The following DCPS variants were observed in gnomAD, a reference collection of about 807,000 sequenced individuals.
DCPS encodes the protein m7GpppX diphosphatase.
A neutral mutation model predicts 34.7 loss-of-function variants in DCPS; 27 were observed. The observed-to-expected ratio is 0.78, with a 90% CI of 0.57 to 1.07. The LOEUF is 1.07. Among genes scored for constraint, DCPS ranks in the 50% least tolerant of loss-of-function variants. The pLI, the probability that DCPS is intolerant of heterozygous loss-of-function variation, is 0.00. For synonymous variants in DCPS, 185 were observed against 185.7 expected (o/e 1.00, Z 0.03); for missense variants, 464 against 436.9 (o/e 1.06, Z -0.55).
At chr11:126,308,853 C>T (rs181150520) in intron 2 of DCPS, among the ~76,000 whole-genome samples, 16 of 152,146 alleles carry the variant, frequency 1.1e-4, no homozygotes, top group African/African-American at 3.4e-4. Context: ...GAGGTAGTCC[C>T]TGCTCGCCCT....
rs1045350602 is a variant in DCPS, at chr11:126,320,176, G to A, written c.377-11229G>A. Among the ~76,000 whole-genome samples, 8 of 151,922 alleles carry A rather than the reference G, an allele frequency of 5.3e-5. No homozygotes were observed. Among genetic ancestry groups the A allele is most frequent in the African/African-American group, 1.9e-4 (8 of 41,342 alleles). On this transcript the variant is annotated intron_variant, in intron 2 of 5. Transcript: ENST00000263579. The surrounding 1 kb of genome is among the most constrained non-coding windows in gnomAD (Gnocchi z 4.7). ...TGCTGGGATTACAGGCATGAGCTAC[G>A]GTGCCTGGCCGTAATATATTCTGTT... is the stretch of plus-strand genomic sequence containing the variant.
chr11:126,307,026 T>G (rs1371939739), intron 2 of DCPS, among the ~76,000 whole-genome samples: 1 of 152,006 alleles, frequency 6.6e-6, no homozygotes, highest in African/African-American at 2.4e-5. Context: ...GTAATGTCAA[T>G]AGTGCTGAAA....
chr11:126,334,523 T>C lies in DCPS; in HGVS notation c.522+2973T>C, dbSNP rs1205001193. Reference sequence around the variant, plus strand: ...TATGCTGGGCTAATTTTTGTATTTTTAGTAGAGACGGAGTTTCACCATGTT... The same window carrying C: ...TATGCTGGGCTAATTTTTGTATTTTCAGTAGAGACGGAGTTTCACCATGTT... On this transcript the variant is annotated intron_variant, in intron 3 of 5. Coordinates refer to ENST00000263579, the MANE Select transcript of DCPS (RefSeq NM_014026.6). This position sits in a 1 kb window ranked among gnomAD's most constrained non-coding sequence, Gnocchi z 5.5. Among the ~76,000 whole-genome samples the C allele has an allele frequency of 6.6e-6, 1 of 152,082 alleles. No homozygotes were observed. Among genetic ancestry groups the C allele is most frequent in the African/African-American group, 2.4e-5 (1 of 41,406 alleles).
chr11:126,317,606 A>G (rs1951672158), intron 2 of DCPS, among the ~76,000 whole-genome samples: 2 of 152,234 alleles, frequency 1.3e-5, no homozygotes, highest in Admixed American at 6.5e-5. Context: ...AGTGCAGCAC[A>G]GTGTGGCATG....
At chr11:126,310,959 A>C (rs1180705218) in intron 2 of DCPS, among the ~76,000 whole-genome samples, 4 of 152,232 alleles carry the variant, frequency 2.6e-5, no homozygotes, top group Non-Finnish European at 4.4e-5. Flanking sequence ...AGCTGGCCAC[A>C]GTAGAAATCA....
rs779477657 is a variant in DCPS at position 126,348,838 on chromosome 11, C to A, written c.*3225C>A. 4.6e-5 allele frequency among the ~76,000 whole-genome samples: 7 copies of A among 152,238 alleles called. No individual in the cohort carries two copies. Among genetic ancestry groups the A allele is most frequent in the Non-Finnish European group, 7.3e-5 (5 of 68,046 alleles). ...TTTGAGACAAAGCAACATTATAACA[C>A]TACATTCATATAGCAGATCATTTCA... On this transcript the variant is annotated 3_prime_UTR_variant, in exon 6 of 6. Coordinates refer to ENST00000263579, the MANE Select transcript of DCPS (RefSeq NM_014026.6). The surrounding 1 kb of genome is among the most constrained non-coding windows in gnomAD (Gnocchi z 5.3).
At chr11:126,314,417 G>C (rs183704856) in intron 2 of DCPS, among the ~76,000 whole-genome samples, 1 of 151,316 alleles carries the variant, frequency 6.6e-6, no homozygotes, top group African/African-American at 2.5e-5. Context: ...CAACCATTAC[G>C]GGAAACAGTG....
In DCPS at chr11:126,347,534, G is replaced by A. The variant is rs1293877334; in HGVS notation, c.*1921G>A. Among the ~76,000 whole-genome samples the A allele has an allele frequency of 3.3e-5, 5 of 152,142 alleles. No homozygotes were observed. Among genetic ancestry groups the A allele is most frequent in the East Asian group, 1.9e-4 (1 of 5,166 alleles). On this transcript the variant is annotated 3_prime_UTR_variant, in exon 6 of 6. Transcript: ENST00000263579. This position sits in a 1 kb window ranked among gnomAD's most constrained non-coding sequence, Gnocchi z 4.2. ...CCACCGCGCCCAGCCCCTGCAATAC[G>A]TCAACAGTCCCTAGATTCAGGCAAC...
rs555799053 is a variant in DCPS at position 126,344,206 on chromosome 11, G to C, written c.747+789G>C. 1.8e-4 allele frequency among the ~76,000 whole-genome samples: 28 copies of C among 152,258 alleles called. No homozygotes were observed. Among genetic ancestry groups the C allele is most frequent in the African/African-American group, 6.3e-4 (26 of 41,558 alleles). On this transcript the variant is annotated intron_variant, in intron 5 of 5. Coordinates refer to ENST00000263579, the MANE Select transcript of DCPS (RefSeq NM_014026.6). The surrounding 1 kb of genome is among the most constrained non-coding windows in gnomAD (Gnocchi z 8.1). ...GCCCCTTTTTGACCAGTGATGCTTC[G>C]AGGTGTTAATGCAGACCTGGAGGCA...
At position 126,331,203 on chromosome 11, in the gene DCPS, C is replaced by G. The variant is rs926140171; in HGVS notation, c.377-202C>G. On this transcript the variant is annotated intron_variant, in intron 2 of 5. Coordinates refer to ENST00000263579, the MANE Select transcript of DCPS (RefSeq NM_014026.6). This position sits in a 1 kb window ranked among gnomAD's most constrained non-coding sequence, Gnocchi z 7.2. The stretch of plus-strand genomic sequence containing the variant: ...CCCACAGGTAAGAACCTTGTGTTTT[C>G]CAGATTCTGAGTGTGGCTCAGCTCG... Among the ~76,000 whole-genome samples the G allele has an allele frequency of 4.4e-4, 67 of 152,090 alleles. No homozygotes were observed. Among genetic ancestry groups the G allele is most frequent in the African/African-American group, 1.6e-3 (65 of 41,396 alleles).
In DCPS at chr11:126,311,503, A is replaced by G. The variant is rs1166583181; in HGVS notation, c.376+4759A>G. Among the ~76,000 whole-genome samples the G allele has an allele frequency of 3.3e-5, 5 of 152,236 alleles. No individual in the cohort carries two copies. In the East Asian group the frequency reaches 5.8e-4, roughly 18 times the overall value. On this transcript the variant is annotated intron_variant, in intron 2 of 5. Transcript: ENST00000263579. ...GGAAGCAGATGTCTGAGTGGCCATG[A>G]GCAGGAGAGAGCCTACTCAGACCAG...
At chr11:126,341,856 C>T (rs1951878252) in intron 4 of DCPS, 1 of 152,270 alleles carries the variant, frequency 6.6e-6, no homozygotes, top group African/African-American at 2.4e-5. Context: ...GTGGAGCTTC[C>T]TGTGGGCTCA....
chr11:126,321,477 A>G (rs1951706256), intron 2 of DCPS, among the ~76,000 whole-genome samples: 1 of 152,124 alleles, frequency 6.6e-6, no homozygotes, highest in African/African-American at 2.4e-5. Flanking sequence ...CATATGTGCA[A>G]TTGGAAGTCA....
Position 126,338,439 on chromosome 11 carries a change from C to A in DCPS, c.636+40C>A, listed in dbSNP as rs1951851934. 6.3e-7 allele frequency: 1 copy of A among 1,575,100 alleles called. No homozygotes were observed. Among genetic ancestry groups the A allele is most frequent in the Non-Finnish European group, 8.7e-7 (1 of 1,144,732 alleles). On this transcript the variant is annotated intron_variant, in intron 4 of 5. Coordinates refer to ENST00000263579, the MANE Select transcript of DCPS (RefSeq NM_014026.6). This position sits in a 1 kb window ranked among gnomAD's most constrained non-coding sequence, Gnocchi z 5.4. ...CTGGAATGTCCTGATCTCTGGCCAC[C>A]CTGCTGTAAGTGCTGGTCCTTCTGA...
intron 5 of DCPS, among the ~76,000 whole-genome samples, chr11:126,343,696 T>C (rs1347848548): frequency 6.6e-6 from 1 of 152,152 alleles, no homozygotes; most frequent in Non-Finnish European, 1.5e-5. Flanking sequence ...CCTTAAGTCC[T>C]GGCCCCTCCT....
At position 126,322,145 on chromosome 11, in the gene DCPS, AC is replaced by A. The variant is rs1565374306; in HGVS notation, c.377-9259del. 6.6e-6 allele frequency among the ~76,000 whole-genome samples: 1 copy of A among 152,220 alleles called. No individual in the cohort carries two copies. Among genetic ancestry groups the A allele is most frequent in the African/African-American group, 2.4e-5 (1 of 41,456 alleles). ...TAGCACAATGGATGAAGATAAAACC[AC>A]TTTGAGATCCAACCACACCATCAGG... is the stretch of plus-strand genomic sequence containing the variant. On this transcript the variant is annotated intron_variant, in intron 2 of 5. Transcript: ENST00000263579. The surrounding 1 kb of genome is among the most constrained non-coding windows in gnomAD (Gnocchi z 4.2).
intron 2 of DCPS, among the ~76,000 whole-genome samples, chr11:126,308,768 G>A (rs1049578556): frequency 3.4e-5 from 4 of 119,024 alleles, no homozygotes; most frequent in Non-Finnish European, 4.9e-5. Flanking sequence ...GGTTCTGCCC[G>A]ACAGATGAAC....
At chr11:126,317,106 G>C (rs538802534) in intron 2 of DCPS, among the ~76,000 whole-genome samples, 3 of 151,844 alleles carry the variant, frequency 2.0e-5, no homozygotes, top group Non-Finnish European at 2.9e-5. Flanking sequence ...CTACAGGCGC[G>C]TGCCACCACG....
Position 126,325,298 on chromosome 11 carries a change from A to ACAT in DCPS, c.377-6097_377-6095dup, listed in dbSNP as rs1379258148. Among the ~76,000 whole-genome samples the ACAT allele has an allele frequency of 1.3e-5, 2 of 152,240 alleles. No individual in the cohort carries two copies. Among genetic ancestry groups the ACAT allele is most frequent in the Admixed American group, 1.3e-4 (2 of 15,268 alleles). ...GTAACTATGGCAGTGAACAGCATTTACATCATCATCATAGCATCAGTGTTG... is the reference window on the plus strand; with the variant it reads ...GTAACTATGGCAGTGAACAGCATTTACATCATCATCATCATAGCATCAGTGTTG... On this transcript the variant is annotated intron_variant, in intron 2 of 5. Transcript: ENST00000263579. This position sits in a 1 kb window ranked among gnomAD's most constrained non-coding sequence, Gnocchi z 4.3.
Sources: gnomAD v4.1 joint callset for allele counts (sites outside exome capture counted in the v4.1 genomes callset) on GRCh38, gnomAD v4.1.1 for gene constraint, Gnocchi (gnomAD v3.1) non-coding constraint, MANE v1.5 for transcripts, NCBI Gene and HGNC (gene_info 2026-07-23, HGNC 2026-07-21) for gene names.